Variants in ZFR2 observed in about 807,000 individuals in gnomAD.
The protein encoded by ZFR2 is zinc finger RNA-binding protein 2.
A neutral mutation model predicts 105.7 loss-of-function variants in ZFR2; 104 were observed. That is an observed-to-expected ratio of 0.98 (90% confidence interval 0.84 to 1.16). ZFR2 has a LOEUF of 1.16. Ranked by LOEUF, ZFR2 falls within the 50% of genes most tolerant of loss-of-function variation. The pLI, the probability that ZFR2 is intolerant of heterozygous loss-of-function variation, is 0.00. For missense variants in ZFR2, 1,425 were observed against 1,355.5 expected, an observed-to-expected ratio of 1.05 and a Z score of -0.80; for synonymous variants, 634 against 597.7, an observed-to-expected ratio of 1.06 and a Z score of -0.89.
rs117580219 is a variant in ZFR2 at position 3,851,523 on chromosome 19, A to G, written c.54-16540T>C. 7.4e-3 allele frequency among the ~76,000 whole-genome samples: 1,132 copies of G among 152,308 alleles called. 13 individuals are homozygous for G. Among genetic ancestry groups the G allele is most frequent in the African/African-American group, 0.023 (956 of 41,566 alleles). The stretch of plus-strand genomic sequence containing the variant: ...TTCCACTAAGCATGCTTACACGAGG[A>G]AGTAGAGCATGGGCTTTGTCTCCAA... On this transcript the variant is annotated intron_variant, in intron 1 of 18. Transcript: ENST00000262961.
intron 15 of ZFR2, 67 bp from the exon 16 acceptor site, chr19:3,810,912 C>T: frequency 6.6e-7 from 1 of 1,511,658 alleles, no homozygotes. Flanking sequence ...GCGCCGGGCT[C>T]TGTCGTGAGC....
At chr19:3,861,986 G>A (rs990804815) in intron 1 of ZFR2, among the ~76,000 whole-genome samples, 2 of 152,108 alleles carry the variant, frequency 1.3e-5, no homozygotes, top group Non-Finnish European at 2.9e-5. Context: ...CCCTTTCTAC[G>A]TGTTTTCCTT....
At chr19:3,864,437 A>G (rs1434437207) in intron 1 of ZFR2, among the ~76,000 whole-genome samples, 2 of 152,218 alleles carry the variant, frequency 1.3e-5, no homozygotes, top group Admixed American at 6.5e-5. Flanking sequence ...GACATCAAGT[A>G]TTACACCAAA....
rs1228931330 is a variant in ZFR2 at position 3,838,116 on chromosome 19, GATGAACACCGTGACTGTGACACACA to G, written c.54-3158_54-3134del. ...GATGAACACCGTGACCGTGACACTCGATGAACACCGTGACTGTGACACACAATGAACACCGTGACTGTGACACTCG... is the reference window on the plus strand; with the variant it reads ...GATGAACACCGTGACCGTGACACTCGATGAACACCGTGACTGTGACACTCG... On this transcript the variant is annotated intron_variant, in intron 1 of 18. Transcript: ENST00000262961. The surrounding 1 kb of genome is among the most constrained non-coding windows in gnomAD (Gnocchi z 4.9). Among the ~76,000 whole-genome samples, 11 of 150,084 alleles carry G rather than the reference GATGAACACCGTGACTGTGACACACA, an allele frequency of 7.3e-5. No homozygotes were observed. The highest frequency in any genetic ancestry group is 2.5e-4 in the African/African-American group (10 of 40,762).
At chr19:3,828,036 G>A (rs935477291) in intron 5 of ZFR2, among the ~76,000 whole-genome samples, 1 of 151,978 alleles carries the variant, frequency 6.6e-6, no homozygotes, top group Non-Finnish European at 1.5e-5. Context: ...GGCCAAGCTG[G>A]TCTCGAACTC....
At chr19:3,818,094 G>A (rs879927132) in intron 12 of ZFR2, among the ~76,000 whole-genome samples, 1 of 152,292 alleles carries the variant, frequency 6.6e-6, no homozygotes, top group Non-Finnish European at 1.5e-5. Flanking sequence ...TAGTTTGCAC[G>A]TGTGAACGTG....
intron 5 of ZFR2, among the ~76,000 whole-genome samples, chr19:3,829,522 T>A (rs1218883356): frequency 2.6e-5 from 4 of 151,682 alleles, no homozygotes; most frequent in Non-Finnish European, 4.4e-5. Context: ...GGGGTTTTGT[T>A]TTTTTGTGGA....
At chr19:3,833,371 TG>T (rs2038040408) in intron 3 of ZFR2, among the ~76,000 whole-genome samples, 1 of 151,932 alleles carries the variant, frequency 6.6e-6, no homozygotes, top group African/African-American at 2.4e-5. Context: ...GGTCAGGAGA[TG>T]GAGACCATCC....
At chr19:3,821,136 C>T (rs944672028) in intron 10 of ZFR2, among the ~76,000 whole-genome samples, 2 of 152,146 alleles carry the variant, frequency 1.3e-5, no homozygotes, top group Admixed American at 6.6e-5. Context: ...CAGGTCCGCA[C>T]GCCACTGTGC....
intron 1 of ZFR2, among the ~76,000 whole-genome samples, chr19:3,836,195 A>G (rs2038075094): frequency 6.6e-6 from 1 of 152,198 alleles, no homozygotes; most frequent in South Asian, 2.1e-4. Context: ...TTAGGGAACA[A>G]TGAGAAGGAA....
chr19:3,851,614 C>T (rs1010996724), intron 1 of ZFR2, among the ~76,000 whole-genome samples: 2 of 152,138 alleles, frequency 1.3e-5, no homozygotes, highest in Non-Finnish European at 2.9e-5. Flanking sequence ...CTGGCAGAGC[C>T]CAGAATTTAG....
At position 3,808,800 on chromosome 19, in the gene ZFR2, G is replaced by A. The variant is rs148421785; in HGVS notation, c.2545+72C>T. ...TCTGTGTCTGTGACCCCAGCTCTCT[G>A]TGCCATGGCCACGGGCCCTGGTCTC... On this transcript the variant is annotated intron_variant, in intron 17 of 18. Transcript: ENST00000262961. The A allele has an allele frequency of 1.4e-3, 1,775 of 1,286,630 alleles. 20 individuals are homozygous for A. The African/African-American group carries it at 0.024, about 17-fold the overall frequency. The allele number at this position is 1,286,630 out of a possible 1,614,324, so 79.7% of individuals were successfully genotyped here. A position where few individuals can be genotyped will look rare whatever the true frequency, so the allele number is the denominator to read the frequency against.
intron 17 of ZFR2, among the ~76,000 whole-genome samples, chr19:3,807,629 ATGTG>A (rs1417106280): frequency 1.3e-5 from 2 of 150,326 alleles, no homozygotes; most frequent in African/African-American, 4.9e-5. Flanking sequence ...GCGTATGTGC[ATGTG>A]TGCCTGTGTG....
intron 1 of ZFR2, among the ~76,000 whole-genome samples, chr19:3,853,884 G>A (rs1453162949): frequency 6.6e-6 from 1 of 151,720 alleles, no homozygotes; most frequent in African/African-American, 2.4e-5. Flanking sequence ...GACCAGCCTG[G>A]GCAACACAGT....
chr19:3,839,300 CG>C (rs1278700823), intron 1 of ZFR2, among the ~76,000 whole-genome samples: 2 of 151,918 alleles, frequency 1.3e-5, no homozygotes, highest in African/African-American at 4.8e-5. Context: ...TGGGAGGCCA[CG>C]GCAGGCAGAT....
chr19:3,819,601 C>A (rs895989491), intron 11 of ZFR2, among the ~76,000 whole-genome samples: 1 of 152,188 alleles, frequency 6.6e-6, no homozygotes, highest in Non-Finnish European at 1.5e-5. Context: ...CGCCTGTAAT[C>A]CCAGCACTTA....
In ZFR2 at chr19:3,809,035, G is replaced by C. The variant is rs1033416504; in HGVS notation, c.2434-52C>G. On this transcript the variant is annotated intron_variant, in intron 16 of 18. Transcript: ENST00000262961. ...GTGTTTTGGGCGCGCGGCAGCCCCT[G>C]CCTGCCCGGGAGGTCCTGGGGTCCC... 7.1e-6 allele frequency: 10 copies of C among 1,415,412 alleles called. No individual in the cohort carries two copies. The African/African-American group carries it at 1.4e-4, about 20-fold the overall frequency. 87.7% of individuals were successfully genotyped at this position (1,415,412 alleles called of 1,614,324 possible). A position where few individuals can be genotyped will look rare whatever the true frequency, so the allele number is the denominator to read the frequency against.
At chr19:3,849,134 C>T (rs2038211438) in intron 1 of ZFR2, among the ~76,000 whole-genome samples, 1 of 152,244 alleles carries the variant, frequency 6.6e-6, no homozygotes, top group African/African-American at 2.4e-5. Context: ...AGACCTTGCC[C>T]CTCCAACCTG....
intron 3 of ZFR2, 65 bp downstream of exon 3, chr19:3,833,599 C>G (rs1489513887): frequency 7.7e-7 from 1 of 1,298,156 alleles, no homozygotes; most frequent in African/African-American, 1.5e-5. Context: ...GTAAGTTTCC[C>G]AAGGTTTCCC....
Sources: allele counts gnomAD v4.1 joint callset (sites outside exome capture counted in the v4.1 genomes callset), GRCh38; gene constraint gnomAD v4.1.1; non-coding constraint Gnocchi (gnomAD v3.1); transcripts MANE v1.5; gene names NCBI Gene and HGNC (gene_info 2026-07-23, HGNC 2026-07-21).